The following GBE1 variants were observed in gnomAD, a reference collection of about 807,000 sequenced individuals.
GBE1 encodes 1,4-alpha-glucan branching enzyme 1.
GBE1 carries 70 observed loss-of-function variants against 88.8 expected under a neutral mutation model. The observed-to-expected ratio is 0.79, with a 90% CI of 0.65 to 0.96. GBE1 has a LOEUF of 0.96. Among genes scored for constraint, GBE1 ranks in the 40% least tolerant of loss-of-function variants. GBE1 has a pLI of 0.00. For missense variants in GBE1, 872 were observed against 871.0 expected (o/e 1.00, Z -0.01); for synonymous variants, 284 against 300.1 (o/e 0.95, Z 0.56).
chr3:81,500,374 T>C (rs1159910625), intron 14 of GBE1, among the ~76,000 whole-genome samples: 4 of 152,028 alleles, frequency 2.6e-5, no homozygotes, highest in Admixed American at 2.6e-4. Context: ...ATATGGATAA[T>C]GAAAATAAAT....
At chr3:81,580,065 G>GT (rs1303352006) in intron 11 of GBE1, among the ~76,000 whole-genome samples, 3 of 152,076 alleles carry the variant, frequency 2.0e-5, no homozygotes, top group Admixed American at 2.0e-4. Context: ...AAAAAATCAT[G>GT]TTTGCGTTAA....
chr3:81,528,697 T>C (rs946679436), intron 14 of GBE1, among the ~76,000 whole-genome samples: 6 of 152,088 alleles, frequency 3.9e-5, no homozygotes, highest in African/African-American at 9.6e-5. Flanking sequence ...TATTCTCTTG[T>C]TGAATTGACC....
At chr3:81,712,109 C>T (rs1705876517) in intron 1 of GBE1, among the ~76,000 whole-genome samples, 1 of 152,214 alleles carries the variant, frequency 6.6e-6, no homozygotes, top group East Asian at 1.9e-4. Flanking sequence ...GAGATACCAG[C>T]TCACACCAGT....
chr3:81,679,445 G>A (rs1351132893), intron 2 of GBE1, among the ~76,000 whole-genome samples: 2 of 152,164 alleles, frequency 1.3e-5, no homozygotes, highest in South Asian at 2.1e-4. Flanking sequence ...GGTTCACTAA[G>A]AGAATTAAGC....
chr3:81,577,240 TGA>T (rs1415432842), intron 12 of GBE1, among the ~76,000 whole-genome samples: 2 of 152,090 alleles, frequency 1.3e-5, no homozygotes, highest in Non-Finnish European at 1.5e-5. Context: ...CCACCCACCC[TGA>T]GTCTTTTATT....
intron 3 of GBE1, among the ~76,000 whole-genome samples, chr3:81,664,894 A>T (rs1044990201): frequency 6.6e-5 from 10 of 152,240 alleles, no homozygotes; most frequent in Non-Finnish European, 1.5e-4. Flanking sequence ...CTTGTTTAAT[A>T]TAAGTATGCA....
intron 7 of GBE1, chr3:81,613,087 C>T: frequency 1.6e-6 from 1 of 609,102 alleles, no homozygotes; most frequent in South Asian, 1.7e-5. Context: ...TAATAGAACA[C>T]TGATGGATTC....
In GBE1 at chr3:81,609,090, C is replaced by A. The variant is rs568917177; in HGVS notation, c.993-15067G>T. On this transcript the variant is annotated intron_variant, in intron 7 of 15. Coordinates refer to ENST00000429644, the MANE Select transcript of GBE1 (RefSeq NM_000158.4). ...CTGTTTGTACAGAATCCTCTAGTCC[C>A]ACCTCTGGTGATAAGAACATTTCTT... Among the ~76,000 whole-genome samples, 152 of 152,246 alleles carry A rather than the reference C, an allele frequency of 1.0e-3. 1 individual carries two copies. Among genetic ancestry groups the A allele is most frequent in the African/African-American group, 3.5e-3 (144 of 41,576 alleles).
At chr3:81,614,913 C>T (rs1704228772) in intron 7 of GBE1, among the ~76,000 whole-genome samples, 1 of 151,820 alleles carries the variant, frequency 6.6e-6, no homozygotes, top group Non-Finnish European at 1.5e-5. Flanking sequence ...CCTGTGGTTC[C>T]AGCTACTTGG....
chr3:81,682,807 A>G (rs1705370892), intron 2 of GBE1, among the ~76,000 whole-genome samples: 1 of 152,248 alleles, frequency 6.6e-6, no homozygotes, highest in Non-Finnish European at 1.5e-5. Flanking sequence ...ATAAATGTTC[A>G]TAGTAGAATT....
At chr3:81,527,788 C>A (rs1702962327) in intron 14 of GBE1, among the ~76,000 whole-genome samples, 1 of 151,908 alleles carries the variant, frequency 6.6e-6, no homozygotes, top group African/African-American at 2.4e-5. Flanking sequence ...ACTAGTTCAA[C>A]CATTGTGGAA....
chr3:81,690,817 CATTTT>C (rs1705509247), intron 2 of GBE1, among the ~76,000 whole-genome samples: 1 of 152,010 alleles, frequency 6.6e-6, no homozygotes, highest in Non-Finnish European at 1.5e-5. Flanking sequence ...ATTGTTGTCT[CATTTT>C]ATTTATGATT....
chr3:81,503,302 T>A (rs1046626440), intron 14 of GBE1, among the ~76,000 whole-genome samples: 6 of 150,942 alleles, frequency 4.0e-5, no homozygotes, highest in African/African-American at 1.5e-4. Flanking sequence ...AGAGGGAGAG[T>A]CAAGGAAGAA....
chr3:81,695,954 C>T (rs1705585293), intron 2 of GBE1, among the ~76,000 whole-genome samples: 1 of 151,990 alleles, frequency 6.6e-6, no homozygotes, highest in South Asian at 2.1e-4. Context: ...CTCTGGCAGT[C>T]ATAATTAAAA....
At chr3:81,637,581 T>C (rs920096149) in intron 7 of GBE1, among the ~76,000 whole-genome samples, 7 of 152,176 alleles carry the variant, frequency 4.6e-5, no homozygotes, top group African/African-American at 1.4e-4. Context: ...ATTTATCCTT[T>C]GTATGCTATT....
At chr3:81,591,518 T>A (rs1433828066) in intron 8 of GBE1, among the ~76,000 whole-genome samples, 1 of 152,186 alleles carries the variant, frequency 6.6e-6, no homozygotes, top group Admixed American at 6.5e-5. Flanking sequence ...AAGATGTTAA[T>A]GTTAGTTTGT....
At chr3:81,730,285 T>C (rs1706168215) in intron 1 of GBE1, among the ~76,000 whole-genome samples, 1 of 152,162 alleles carries the variant, frequency 6.6e-6, no homozygotes, top group African/African-American at 2.4e-5. Flanking sequence ...GGGTTGAGGT[T>C]CTGACCAGTA....
Position 81,581,347 on chromosome 3 carries a change from G to T in GBE1, c.1336-72C>A. ...TCTTATTTTTAAATCACAATCTGAA[G>T]TTATGCATTATATCAGTGCAAACTA... is the stretch of plus-strand genomic sequence containing the variant. On this transcript the variant is annotated intron_variant, in intron 10 of 15. Coordinates refer to ENST00000429644, the MANE Select transcript of GBE1 (RefSeq NM_000158.4). The T allele has an allele frequency of 3.6e-6, 3 of 841,622 alleles. 1 individual carries two copies. Among genetic ancestry groups the T allele is most frequent in the South Asian group, 3.3e-5 (2 of 59,880 alleles). The allele number at this position is 841,622 out of a possible 1,614,324, so 52.1% of individuals were successfully genotyped here.
At chr3:81,621,495 T>A (rs921110108) in intron 7 of GBE1, among the ~76,000 whole-genome samples, 1 of 152,152 alleles carries the variant, frequency 6.6e-6, no homozygotes, top group Admixed American at 6.5e-5. Flanking sequence ...AGTCACAGCA[T>A]GCTTTGGTCT....
Sources: gnomAD v4.1 joint callset for allele counts (sites outside exome capture counted in the v4.1 genomes callset) on GRCh38, gnomAD v4.1.1 for gene constraint, MANE v1.5 for transcripts, NCBI Gene and HGNC (gene_info 2026-07-23, HGNC 2026-07-21) for gene names.